ABHD18: variants seen among roughly 807,000 people sequenced by gnomAD.
ABHD18 encodes the protein cardiolipin-specific deacylase, mitochondrial.
Under a neutral mutation model 65.9 loss-of-function variants are expected in ABHD18, and 55 were observed. The observed-to-expected ratio is 0.84, with a 90% confidence interval of 0.67 to 1.05. ABHD18 has a LOEUF of 1.05. Ranked by LOEUF, ABHD18 falls within the 50% of genes least tolerant of loss-of-function variation. The pLI is 0.00. For synonymous variants in ABHD18, 181 were observed against 180.2 expected (o/e 1.00, Z -0.04); for missense variants, 533 against 558.5 (o/e 0.95, Z 0.46).
chr4:127,987,718 AT>A (rs201554301), intron 3 of ABHD18, among the ~76,000 whole-genome samples: 3,467 of 151,480 alleles, frequency 0.023, 105 homozygotes, highest in African/African-American at 0.08. Flanking sequence ...AAAAAAAAAA[AT>A]AAATAAATAA....
chr4:127,977,781 T>G (rs1380004080), intron 1 of ABHD18, among the ~76,000 whole-genome samples: 1 of 152,178 alleles, frequency 6.6e-6, no homozygotes, highest in Non-Finnish European at 1.5e-5. Context: ...AAATTTTTTT[T>G]TTATGAATTA....
chr4:128,020,457 T>G (rs865975154), intron 9 of ABHD18, among the ~76,000 whole-genome samples: 3 of 152,236 alleles, frequency 2.0e-5, no homozygotes, highest in Middle Eastern at 3.4e-3. Flanking sequence ...CAATAATTAT[T>G]GACAATAAGT....
In ABHD18 at chr4:128,036,308, C is replaced by T. The variant is rs1758876971; in HGVS notation, c.*495C>T. 1 of 151,910 alleles carries T rather than the reference C, an allele frequency of 6.6e-6. No individual in the cohort carries two copies. Among genetic ancestry groups the T allele is most frequent in the South Asian group, 2.1e-4 (1 of 4,832 alleles). 9.4% of individuals were successfully genotyped at this position (151,910 alleles called of 1,614,324 possible). ...TAATTTTCTGCTGTGGAAATAAATA[C>T]TTATGATATATAAAATCAGTGTTAA... On this transcript the variant is annotated 3_prime_UTR_variant, in exon 13 of 13. Coordinates refer to ENST00000645843, the MANE Select transcript of ABHD18 (RefSeq NM_001358451.3).
chr4:127,984,809 A>G (rs1749682016), intron 3 of ABHD18, among the ~76,000 whole-genome samples: 1 of 152,230 alleles, frequency 6.6e-6, no homozygotes, highest in Admixed American at 6.5e-5. Flanking sequence ...GCAGTGAGCC[A>G]AGATCACGCC....
rs1177110828 is a variant in ABHD18, at chr4:128,039,282, G to A, written c.*3469G>A. ...TTCATTTAGACCAGATCTGTAAACT[G>A]GTAGTTCACATAGGCCAGTTTGACC... On this transcript the variant is annotated 3_prime_UTR_variant, in exon 13 of 13. Coordinates refer to ENST00000645843, the MANE Select transcript of ABHD18 (RefSeq NM_001358451.3). 6.6e-6 allele frequency: 1 copy of A among 150,982 alleles called. No individual in the cohort carries two copies. The highest frequency in any genetic ancestry group is 2.4e-5 in the African/African-American group (1 of 41,142). 9.4% of individuals were successfully genotyped at this position (150,982 alleles called of 1,614,324 possible). A position where few individuals can be genotyped will look rare whatever the true frequency, so the allele number is the denominator to read the frequency against.
intron 11 of ABHD18, 79 bp downstream of exon 11, chr4:128,028,932 G>C: frequency 1.7e-6 from 2 of 1,152,556 alleles, no homozygotes; most frequent in Non-Finnish European, 2.4e-6. Flanking sequence ...TGCTCTATAA[G>C]ATAATTTTAT....
chr4:128,030,675 A>G lies in ABHD18; in HGVS notation c.1343+3A>G. ...CTTTTTAAACAAGGACTCTTCAGGT[A>G]AGACGGCTGGTCTAAACATGTATTC... is the stretch of plus-strand genomic sequence containing the variant. On this transcript the variant is annotated splice_donor_region_variant and intron_variant, in intron 12 of 12. Coordinates refer to ENST00000645843, the MANE Select transcript of ABHD18 (RefSeq NM_001358451.3). 6.3e-7 allele frequency: 1 copy of G among 1,581,902 alleles called. No homozygotes were observed.
rs1295767524 is a variant in ABHD18 at position 127,971,254 on chromosome 4, CA to C, written c.-18+5666del. ...TGGGCAACAGAGCAAGACCCTGTCT[CA>C]AAAAAAAAAAAAAAAAAGACAATGA... is the stretch of plus-strand genomic sequence containing the variant. On this transcript the variant is annotated intron_variant, in intron 1 of 12. Coordinates refer to ENST00000645843, the MANE Select transcript of ABHD18 (RefSeq NM_001358451.3). 0.033 allele frequency among the ~76,000 whole-genome samples: 2,449 copies of C among 74,542 alleles called. 133 individuals are homozygous for C. The East Asian group carries it at 0.34, about 10-fold the overall frequency. The allele number at this position is 74,542 out of a possible 152,430, so 48.9% of individuals were successfully genotyped here. A position where few individuals can be genotyped will look rare whatever the true frequency, so the allele number is the denominator to read the frequency against.
chr4:128,021,468 A>G (rs971305196), intron 10 of ABHD18, among the ~76,000 whole-genome samples: 1 of 152,098 alleles, frequency 6.6e-6, no homozygotes, highest in Non-Finnish European at 1.5e-5. Context: ...GTTTGAGACT[A>G]GCCTGGCCAA....
intron 4 of ABHD18, among the ~76,000 whole-genome samples, chr4:128,008,044 A>C (rs923177147): frequency 2.5e-4 from 38 of 151,938 alleles, no homozygotes; most frequent in Non-Finnish European, 2.6e-4. Flanking sequence ...CGGGTGGATC[A>C]CAAGGTCAGG....
At chr4:128,001,755 A>G in intron 4 of ABHD18, 1 of 1,547,868 alleles carries the variant, frequency 6.5e-7, no homozygotes, top group South Asian at 1.2e-5. Context: ...TGATTCTTCT[A>G]CCTTTGTAGG....
intron 4 of ABHD18, among the ~76,000 whole-genome samples, chr4:127,995,134 C>T (rs1751534031): frequency 6.6e-6 from 1 of 152,228 alleles, no homozygotes; most frequent in Non-Finnish European, 1.5e-5. Flanking sequence ...CCTGCCTCAG[C>T]CTCCCAAAAT....
At chr4:127,981,954 C>T (rs886875334) in intron 1 of ABHD18, among the ~76,000 whole-genome samples, 11 of 152,050 alleles carry the variant, frequency 7.2e-5, no homozygotes, top group African/African-American at 2.4e-4. Flanking sequence ...TTTTGCTAGT[C>T]CAACCATAAA....
chr4:127,991,716 G>C (rs928289567), intron 4 of ABHD18, among the ~76,000 whole-genome samples: 10 of 151,968 alleles, frequency 6.6e-5, no homozygotes, highest in Non-Finnish European at 7.4e-5. Context: ...TTAAGATTTT[G>C]TCTGCAATAG....
At chr4:128,001,615 C>T (rs901782274) in intron 4 of ABHD18, 10 of 1,186,674 alleles carry the variant, frequency 8.4e-6, no homozygotes, top group Non-Finnish European at 9.2e-6. Context: ...TTTATTATCC[C>T]TCATACTTAG....
intron 1 of ABHD18, among the ~76,000 whole-genome samples, chr4:127,971,436 C>T (rs1746756916): frequency 6.8e-6 from 1 of 147,538 alleles, no homozygotes; most frequent in Admixed American, 6.8e-5. Flanking sequence ...CATGCCATAG[C>T]ATGTCATGCC....
At chr4:127,967,708 G>GA (rs796595535) in intron 1 of ABHD18, among the ~76,000 whole-genome samples, 18,712 of 129,082 alleles carry the variant, frequency 0.14, 1,387 homozygotes, top group South Asian at 0.25. Context: ...GTACCAGTAG[G>GA]AAAAAAAAAA....
chr4:127,969,749 A>AT (rs200187541), intron 1 of ABHD18, among the ~76,000 whole-genome samples: 5,532 of 141,870 alleles, frequency 0.039, 343 homozygotes, highest in East Asian at 0.27. Context: ...AGGTGTTGGA[A>AT]TTTTTTTTTT....
chr4:127,978,857 ATTG>A (rs905278791), intron 1 of ABHD18, among the ~76,000 whole-genome samples: 14 of 152,202 alleles, frequency 9.2e-5, no homozygotes, highest in African/African-American at 2.9e-4. Flanking sequence ...AATAGAAAAT[ATTG>A]TTAAGTTGAA....
Sources: gnomAD v4.1 joint callset for allele counts (sites outside exome capture counted in the v4.1 genomes callset) on GRCh38, gnomAD v4.1.1 for gene constraint, MANE v1.5 for transcripts, NCBI Gene and HGNC (gene_info 2026-07-23, HGNC 2026-07-21) for gene names.